Variants in KCNT2 observed in about 807,000 individuals in gnomAD.
KCNT2 encodes potassium channel subfamily T member 2.
A neutral mutation model predicts 153.8 loss-of-function variants in KCNT2; 67 were observed. The observed-to-expected ratio is 0.44, with a 90% CI of 0.36 to 0.53. The LOEUF (loss-of-function observed/expected upper bound fraction) is 0.53. KCNT2 is among the 20% of genes least tolerant of loss of function. The pLI, the probability that KCNT2 is intolerant of heterozygous loss-of-function variation, is 0.00. For missense variants in KCNT2, 975 were observed against 1,354.8 expected (o/e 0.72, Z 4.40); for synonymous variants, 500 against 458.8 (o/e 1.09, Z -1.15).
chr1:196,376,584 C>T (rs1158348066), intron 13 of KCNT2, among the ~76,000 whole-genome samples: 2 of 151,738 alleles, frequency 1.3e-5, no homozygotes, highest in African/African-American at 4.8e-5. Context: ...GATGTTCTTT[C>T]CTCTAGGCTA....
chr1:196,574,641 T>C (rs1661146964), intron 1 of KCNT2, among the ~76,000 whole-genome samples: 1 of 151,942 alleles, frequency 6.6e-6, no homozygotes, highest in African/African-American at 2.4e-5. Context: ...TTTTCAATAA[T>C]AACACAACTT....
chr1:196,284,478 G>T lies in KCNT2; in HGVS notation c.2697+1179C>A, dbSNP rs572138672. On this transcript the variant is annotated intron_variant, in intron 23 of 27. Transcript: ENST00000294725. Reference sequence around the variant, plus strand: ...CCTTACAAGATTTTATTTAAACAGAGGATACTGTGGCTAAAAAAATCTTAA... The same window carrying T: ...CCTTACAAGATTTTATTTAAACAGATGATACTGTGGCTAAAAAAATCTTAA... 2.0e-5 allele frequency among the ~76,000 whole-genome samples: 3 copies of T among 150,946 alleles called. No individual in the cohort carries two copies. The Admixed American group carries it at 2.0e-4, about 10-fold the overall frequency.
Position 196,462,216 on chromosome 1 carries a change from C to G in KCNT2, c.638+3077G>C, listed in dbSNP as rs548229736. The stretch of plus-strand genomic sequence containing the variant: ...TAAAATTATTCCCCTATTTACCATG[C>G]CCCTGGTTTTTATCTGTCATGTTAC... On this transcript the variant is annotated intron_variant, in intron 8 of 27. Coordinates refer to ENST00000294725, the MANE Select transcript of KCNT2 (RefSeq NM_198503.5). 2.0e-5 allele frequency among the ~76,000 whole-genome samples: 3 copies of G among 151,666 alleles called. No homozygotes were observed. The East Asian group carries it at 5.8e-4, about 30-fold the overall frequency.
chr1:196,227,188 T>C lies in KCNT2; in HGVS notation c.*1036A>G, dbSNP rs369244160. ...AAATTAAGTCAAAAATTTTAATACATCCTTCATTGAGTGTTATTGTTTCAT... is the reference window on the plus strand; with the variant it reads ...AAATTAAGTCAAAAATTTTAATACACCCTTCATTGAGTGTTATTGTTTCAT... On this transcript the variant is annotated 3_prime_UTR_variant, in exon 28 of 28. Coordinates refer to ENST00000294725, the MANE Select transcript of KCNT2 (RefSeq NM_198503.5). 9 of 152,180 alleles carry C rather than the reference T, an allele frequency of 5.9e-5. No individual in the cohort carries two copies. The highest frequency in any genetic ancestry group is 1.9e-4 in the East Asian group (1 of 5,186). The allele number at this position is 152,180 out of a possible 1,614,324, so 9.4% of individuals were successfully genotyped here.
At chr1:196,351,200 G>T (rs10429909) in intron 14 of KCNT2, among the ~76,000 whole-genome samples, 3 of 151,924 alleles carry the variant, frequency 2.0e-5, no homozygotes, top group African/African-American at 4.8e-5. Flanking sequence ...TTTTTTTGGT[G>T]CCATATGAAC....
chr1:196,559,768 C>T (rs1259801748), intron 1 of KCNT2, among the ~76,000 whole-genome samples: 1 of 151,594 alleles, frequency 6.6e-6, no homozygotes, highest in Non-Finnish European at 1.5e-5. Flanking sequence ...TGCATCTTTT[C>T]TTGATTTTCT....
At position 196,284,462 on chromosome 1, in the gene KCNT2, AT is replaced by A. The variant is rs201220484; in HGVS notation, c.2697+1194del. ...CTTATACATGAGATTTCCTTACAAG[AT>A]TTTATTTAAACAGAGGATACTGTGG... On this transcript the variant is annotated intron_variant, in intron 23 of 27. Transcript: ENST00000294725. 1.4e-3 allele frequency among the ~76,000 whole-genome samples: 210 copies of A among 151,028 alleles called. 2 individuals carry two copies. The East Asian group carries it at 0.038, about 27-fold the overall frequency.
chr1:196,601,319 A>G (rs1664695095), intron 1 of KCNT2, among the ~76,000 whole-genome samples: 1 of 152,200 alleles, frequency 6.6e-6, no homozygotes, highest in East Asian at 1.9e-4. Flanking sequence ...ACATTGTGCC[A>G]TTCTCCTTTA....
intron 14 of KCNT2, among the ~76,000 whole-genome samples, chr1:196,353,934 T>C (rs531798927): frequency 3.9e-5 from 6 of 151,904 alleles, no homozygotes; most frequent in Non-Finnish European, 8.8e-5. Context: ...GAAGTCTTAA[T>C]ATGTTGCATA....
intron 8 of KCNT2, among the ~76,000 whole-genome samples, chr1:196,438,124 T>C (rs1674889755): frequency 6.6e-6 from 1 of 151,742 alleles, no homozygotes; most frequent in African/African-American, 2.4e-5. Flanking sequence ...CTGTGAAATG[T>C]CTGGGATAGA....
At chr1:196,305,058 A>G (rs1167007031) in intron 22 of KCNT2, among the ~76,000 whole-genome samples, 176 bp downstream of exon 22, 2 of 152,196 alleles carry the variant, frequency 1.3e-5, no homozygotes, top group African/African-American at 4.8e-5. Context: ...TAAATCGTTC[A>G]AATCTGTCAA....
At chr1:196,345,762 T>C (rs1666086853) in intron 14 of KCNT2, among the ~76,000 whole-genome samples, 1 of 152,146 alleles carries the variant, frequency 6.6e-6, no homozygotes, top group Non-Finnish European at 1.5e-5. Flanking sequence ...GAGAATTTGC[T>C]AATGGAAGAG....
chr1:196,298,315 A>C (rs556481760), intron 22 of KCNT2, among the ~76,000 whole-genome samples: 1 of 152,286 alleles, frequency 6.6e-6, no homozygotes, highest in East Asian at 1.9e-4. Flanking sequence ...CCCTCAAGCC[A>C]ACTGTATTCC....
intron 26 of KCNT2, among the ~76,000 whole-genome samples, chr1:196,249,291 G>C (rs1051976976): frequency 1.3e-5 from 2 of 152,078 alleles, no homozygotes; most frequent in Non-Finnish European, 1.5e-5. Flanking sequence ...ACTGCTGGAA[G>C]GTGTATATAG....
intron 1 of KCNT2, among the ~76,000 whole-genome samples, chr1:196,513,422 G>C (rs1457265759): frequency 6.6e-6 from 1 of 152,178 alleles, no homozygotes; most frequent in East Asian, 1.9e-4. Context: ...CTCCAAAAAG[G>C]AACACATTTG....
intron 26 of KCNT2, among the ~76,000 whole-genome samples, chr1:196,237,158 T>C (rs917040347): frequency 3.3e-5 from 5 of 151,716 alleles, no homozygotes; most frequent in Non-Finnish European, 5.9e-5. Context: ...AATCAAGATA[T>C]TTGTAGCTGA....
At chr1:196,410,278 C>G (rs761702898) in intron 12 of KCNT2, among the ~76,000 whole-genome samples, 14 of 147,726 alleles carry the variant, frequency 9.5e-5, no homozygotes, top group Non-Finnish European at 1.5e-4. Context: ...TTCAGGTTGT[C>G]TTTTCACTTT....
rs116180210 is a variant in KCNT2, at chr1:196,277,486, T to C, written c.2910+3374A>G. Among the ~76,000 whole-genome samples, 495 of 152,286 alleles carry C rather than the reference T, an allele frequency of 3.3e-3. 2 individuals carry two copies. Among genetic ancestry groups the C allele is most frequent in the African/African-American group, 0.011 (459 of 41,562 alleles). On this transcript the variant is annotated intron_variant, in intron 25 of 27. Coordinates refer to ENST00000294725, the MANE Select transcript of KCNT2 (RefSeq NM_198503.5). ...GTGATACTCCTAGCCCTCAACTCTT[T>C]CCGGGGTCCAGAGGCCACAGACCAC... is the stretch of plus-strand genomic sequence containing the variant.
chr1:196,228,525 T>C (rs16839668), intron 27 of KCNT2, among the ~76,000 whole-genome samples, 190 bp from the exon 28 acceptor site: 7,376 of 152,180 alleles, frequency 0.048, 273 homozygotes, highest in Non-Finnish European at 0.071. Flanking sequence ...TATTATCATT[T>C]TCATACCTGA....
Sources: allele counts gnomAD v4.1 joint callset (sites outside exome capture counted in the v4.1 genomes callset), GRCh38; gene constraint gnomAD v4.1.1; transcripts MANE v1.5; gene names NCBI Gene and HGNC (gene_info 2026-07-23, HGNC 2026-07-21).